The following CATSPERE variants were observed in gnomAD, a reference collection of about 807,000 sequenced individuals.
The protein encoded by CATSPERE is cation channel sperm-associated auxiliary subunit epsilon.
Under a neutral mutation model 114.1 loss-of-function variants are expected in CATSPERE, and 93 were observed. The observed-to-expected ratio is 0.81, with a 90% CI of 0.69 to 0.97. The LOEUF (loss-of-function observed/expected upper bound fraction) is 0.97. Among genes scored for constraint, CATSPERE ranks in the 50% least tolerant of loss-of-function variants. The pLI is 0.00. For missense variants in CATSPERE, 1,058 were observed against 1,131.6 expected (o/e 0.93, Z 0.93); for synonymous variants, 341 against 384.1 (o/e 0.89, Z 1.31).
chr1:244,522,541 C>A (rs1677756519), intron 8 of CATSPERE, among the ~76,000 whole-genome samples: 1 of 152,040 alleles, frequency 6.6e-6, no homozygotes, highest in African/African-American at 2.4e-5. Context: ...TTAACGAATA[C>A]AGGAGTTGGT....
chr1:244,620,314 C>T (rs560295623), intron 20 of CATSPERE, among the ~76,000 whole-genome samples: 1 of 152,310 alleles, frequency 6.6e-6, no homozygotes, highest in South Asian at 2.1e-4. Context: ...TCTTTTAACA[C>T]TGCAATCATA....
intron 17 of CATSPERE, among the ~76,000 whole-genome samples, chr1:244,596,416 G>T (rs368613955): frequency 5.9e-5 from 9 of 152,230 alleles, no homozygotes; most frequent in Admixed American, 1.3e-4. Context: ...TAATAAACTT[G>T]CTTTCTTTCA....
intron 20 of CATSPERE, among the ~76,000 whole-genome samples, chr1:244,623,408 T>C (rs893848776): frequency 4.6e-5 from 7 of 152,212 alleles, no homozygotes; most frequent in African/African-American, 1.7e-4. Flanking sequence ...GTTCCTTGGC[T>C]AGAAGCAATC....
rs1672303436 is a variant in CATSPERE, at chr1:244,621,271, A to ATT, written c.2648+3586_2648+3587insTT. ...TATTTATATAGATATATTTATATAG[A>ATT]TATATCTATATAGATATATCTATAT... On this transcript the variant is annotated intron_variant, in intron 20 of 21. Transcript: ENST00000366534. Among the ~76,000 whole-genome samples the ATT allele has an allele frequency of 1.7e-5, 2 of 118,382 alleles. 1 individual carries two copies. Among genetic ancestry groups the ATT allele is most frequent in the African/African-American group, 6.3e-5 (2 of 31,814 alleles). The allele number at this position is 118,382 out of a possible 152,430, so 77.7% of individuals were successfully genotyped here.
At chr1:244,518,720 T>A in intron 8 of CATSPERE, 22 bp downstream of exon 8, 1 of 1,239,326 alleles carries the variant, frequency 8.1e-7, no homozygotes, top group Non-Finnish European at 1.1e-6. Context: ...TTTTTAATTT[T>A]AAATATAGAA....
intron 8 of CATSPERE, among the ~76,000 whole-genome samples, chr1:244,522,397 T>C (rs1009146048): frequency 1.3e-5 from 2 of 151,918 alleles, no homozygotes; most frequent in Admixed American, 6.6e-5. Flanking sequence ...GATCCAAAAT[T>C]GACACCCTAA....
Position 244,568,779 on chromosome 1 carries a change from C to T in CATSPERE, c.1508-3551C>T, listed in dbSNP as rs1468395529. On this transcript the variant is annotated intron_variant, in intron 10 of 21. Transcript: ENST00000366534. This position sits in a 1 kb window ranked among gnomAD's most constrained non-coding sequence, Gnocchi z 4.4. ...CCAGTGGATCTTAGCTTGCTGGACT[C>T]CATAGGGGTGGGATCCACTGAGCTA... Among the ~76,000 whole-genome samples, 1 of 152,190 alleles carries T rather than the reference C, an allele frequency of 6.6e-6. No individual in the cohort carries two copies. Among genetic ancestry groups the T allele is most frequent in the African/African-American group, 2.4e-5 (1 of 41,450 alleles).
rs1342368546 is a variant in CATSPERE at position 244,471,360 on chromosome 1, A to C, written c.115-6181A>C. Among the ~76,000 whole-genome samples the C allele has an allele frequency of 2.0e-5, 3 of 152,342 alleles. No individual in the cohort carries two copies. In the South Asian group the frequency reaches 6.2e-4, roughly 32 times the overall value. On this transcript the variant is annotated intron_variant, in intron 2 of 21. Transcript: ENST00000366534. Reference sequence around the variant, plus strand: ...ATACATTATGATTATATATTTCTTTAGTTCCTTTTGTAAAAGGCAAATTAA... The same window carrying C: ...ATACATTATGATTATATATTTCTTTCGTTCCTTTTGTAAAAGGCAAATTAA...
chr1:244,618,367 T>C (rs1272360769), intron 20 of CATSPERE, among the ~76,000 whole-genome samples: 1 of 152,144 alleles, frequency 6.6e-6, no homozygotes. Context: ...CAATTCATAA[T>C]GTTTAAGTAA....
chr1:244,458,741 C>T (rs1366085440), upstream of CATSPERE, among the ~76,000 whole-genome samples: 1 of 152,214 alleles, frequency 6.6e-6, no homozygotes, highest in African/African-American at 2.4e-5. Context: ...TGTGAATATT[C>T]TCAATTTATG....
intron 21 of CATSPERE, 73 bp downstream of exon 21, chr1:244,635,615 C>A (rs1674537076): frequency 1.7e-6 from 2 of 1,161,134 alleles, no homozygotes; most frequent in Non-Finnish European, 2.6e-6. Context: ...GAAGGAAAAG[C>A]ACCTCTCCCC....
chr1:244,599,537 G>T (rs774115623), intron 17 of CATSPERE, among the ~76,000 whole-genome samples: 1 of 152,156 alleles, frequency 6.6e-6, no homozygotes, highest in Non-Finnish European at 1.5e-5. Flanking sequence ...ATTACAACAG[G>T]CTTTTTGTTG....
intron 21 of CATSPERE, 107 bp from the exon 22 acceptor site, chr1:244,639,821 T>C: frequency 9.8e-7 from 1 of 1,024,966 alleles, no homozygotes; most frequent in South Asian, 1.5e-5. Flanking sequence ...ACCTTTGCTC[T>C]CTGTCAATGG....
intron 8 of CATSPERE, among the ~76,000 whole-genome samples, chr1:244,528,189 G>T (rs1678972768): frequency 6.6e-6 from 1 of 152,144 alleles, no homozygotes; most frequent in African/African-American, 2.4e-5. Context: ...TCATCATTCA[G>T]CTCCCAATTA....
At chr1:244,625,540 T>C (rs1673077329) in intron 20 of CATSPERE, among the ~76,000 whole-genome samples, 1 of 147,354 alleles carries the variant, frequency 6.8e-6, no homozygotes, top group African/African-American at 2.5e-5. Context: ...GCAATTCTCC[T>C]GCCTCAGCCT....
intron 8 of CATSPERE, among the ~76,000 whole-genome samples, chr1:244,528,200 T>A (rs1027267590): frequency 6.6e-6 from 1 of 152,208 alleles, no homozygotes; most frequent in African/African-American, 2.4e-5. Flanking sequence ...CTCCCAATTA[T>A]AAGTGAGAAC....
Position 244,573,652 on chromosome 1 carries a change from C to T in CATSPERE, c.1950+880C>T, listed in dbSNP as rs1664817408. 6.6e-6 allele frequency among the ~76,000 whole-genome samples: 1 copy of T among 152,166 alleles called. No homozygotes were observed. Among genetic ancestry groups the T allele is most frequent in the Non-Finnish European group, 1.5e-5 (1 of 68,024 alleles). On this transcript the variant is annotated intron_variant, in intron 11 of 21. Transcript: ENST00000366534. The surrounding 1 kb of genome is among the most constrained non-coding windows in gnomAD (Gnocchi z 4.0). Reference sequence around the variant, plus strand: ...GTCTAGTGTTATCCTCCAGACTAGACCTGGCTTCTTCTGTGGCAGTCTCAG... The same window carrying T: ...GTCTAGTGTTATCCTCCAGACTAGATCTGGCTTCTTCTGTGGCAGTCTCAG...
intron 8 of CATSPERE, among the ~76,000 whole-genome samples, chr1:244,549,728 G>A (rs1307296768): frequency 6.6e-6 from 1 of 152,130 alleles, no homozygotes; most frequent in Non-Finnish European, 1.5e-5. Context: ...GCTTATGGGT[G>A]CCAAGTTGAC....
At chr1:244,530,601 T>A (rs760031629) in intron 8 of CATSPERE, among the ~76,000 whole-genome samples, 1 of 152,210 alleles carries the variant, frequency 6.6e-6, no homozygotes, top group Non-Finnish European at 1.5e-5. Flanking sequence ...ACCTGTAGAT[T>A]GCTTTGGGTA....
Sources: allele counts gnomAD v4.1 joint callset (sites outside exome capture counted in the v4.1 genomes callset), GRCh38; gene constraint gnomAD v4.1.1; non-coding constraint Gnocchi (gnomAD v3.1); transcripts MANE v1.5; gene names NCBI Gene and HGNC (gene_info 2026-07-23, HGNC 2026-07-21).